Variants in MYH6 observed in about 807,000 individuals in gnomAD.
The protein encoded by MYH6 is myosin-6.
In MYH6, 126 loss-of-function variants were observed where a neutral mutation model predicts 223.2. The observed-to-expected ratio is 0.56, with a 90% confidence interval of 0.49 to 0.65. MYH6 has a LOEUF of 0.65. MYH6 is among the 30% of genes least tolerant of loss of function. The probability of loss-of-function intolerance (pLI) is 0.00; values close to 1 mark genes in which losing one functional copy is unlikely to be tolerated. For missense variants in MYH6, 2,040 were observed against 2,536.4 expected (o/e 0.80, Z 4.20); for synonymous variants, 978 against 1,010.2 (o/e 0.97, Z 0.61).
intron 20 of MYH6, among the ~76,000 whole-genome samples, chr14:23,395,290 T>C (rs1278984877): frequency 6.6e-6 from 1 of 152,278 alleles, no homozygotes; most frequent in Non-Finnish European, 1.5e-5. Flanking sequence ...GCTTTAATGT[T>C]CAAACATATT....
intron 30 of MYH6, 80 bp downstream of exon 30, chr14:23,388,075 G>A: frequency 6.2e-7 from 1 of 1,610,360 alleles, no homozygotes; most frequent in Admixed American, 1.7e-5. Context: ...CACCTCCAAG[G>A]AGGTTGCCTT....
Position 23,400,788 on chromosome 14 carries a change from A to C in MYH6, c.1331T>G (p.Ile444Ser). The change falls in exon 13 of 39, where the codon ATC becomes AGC. Residue 444 changes from isoleucine to serine, a missense_variant. Ile to Ser is a moderately radical substitution (Grantham distance 142, BLOSUM62 -2). Coordinates refer to ENST00000405093, the MANE Select transcript of MYH6 (RefSeq NM_002471.4). ...CTGCTTGGTCTCCAGGGTGGCGTTG[A>C]TGCGCGTCACCATCCAGTTGAACAT... ...EKMFNWMVTR[I>S]NATLETKQPR... 6.2e-7 allele frequency: 1 copy of C among 1,614,196 alleles called. No individual in the cohort carries two copies. The highest frequency in any genetic ancestry group is 8.5e-7 in the Non-Finnish European group (1 of 1,180,026).
chr14:23,398,697 C>A, intron 15 of MYH6, 31 bp downstream of exon 15: 1 of 1,612,050 alleles, frequency 6.2e-7, no homozygotes, highest in Non-Finnish European at 8.5e-7. Flanking sequence ...TTCAGAAGTC[C>A]CCTGGCCCAG....
In MYH6 at chr14:23,405,884, C is replaced by G. The variant is rs929299177; in HGVS notation, c.202-114G>C. On this transcript the variant is annotated intron_variant, in intron 3 of 38. Coordinates refer to ENST00000405093, the MANE Select transcript of MYH6 (RefSeq NM_002471.4). This position sits in a 1 kb window ranked among gnomAD's most constrained non-coding sequence, Gnocchi z 4.7. ...CAGGGACTTGGCCTTGCTCCCCTTG[C>G]TCTGACCAGTGCCCCGGCCCCTACC... is the stretch of plus-strand genomic sequence containing the variant. The G allele has an allele frequency of 4.4e-6, 6 of 1,372,564 alleles. No homozygotes were observed. The Admixed American group carries it at 5.2e-5, about 12-fold the overall frequency. 85.0% of individuals were successfully genotyped at this position (1,372,564 alleles called of 1,614,324 possible).
intron 28 of MYH6, 88 bp from the exon 29 acceptor site, chr14:23,389,143 GC>G: frequency 6.9e-7 from 1 of 1,442,172 alleles, no homozygotes; most frequent in Non-Finnish European, 9.2e-7. Context: ...CTTCAACCAA[GC>G]CCAGCCTTAT....
intron 7 of MYH6, 80 bp from the exon 8 acceptor site, chr14:23,404,468 G>T: frequency 6.6e-7 from 1 of 1,523,756 alleles, no homozygotes; most frequent in Non-Finnish European, 9.1e-7. Flanking sequence ...GGCTGCCCTG[G>T]CCCTGAGGAA....
intron 20 of MYH6, 47 bp downstream of exon 20, chr14:23,396,237 C>T: frequency 6.2e-7 from 1 of 1,613,286 alleles, no homozygotes; most frequent in Non-Finnish European, 8.5e-7. Flanking sequence ...CATTGCGGAT[C>T]TGCCTCTACA....
rs1333795071 is a variant in MYH6 at position 23,386,479 on chromosome 14, G to T, written c.4795C>A (p.Leu1599Met). 5.0e-6 allele frequency: 8 copies of T among 1,614,184 alleles called. No individual in the cohort carries two copies. Among genetic ancestry groups the T allele is most frequent in the Non-Finnish European group, 6.8e-6 (8 of 1,180,036 alleles). ...KRNHQRVVDS[L>M]QTSLDAETRS... ...GTCTCTGCATCCAGGGAGGTCTGCA[G>T]CGAGTCCACCACCCGCTGGTGGTTG... Residue 1599 changes from leucine (L) to methionine (M), a missense_variant, in exon 33 of 39, where the codon CTG becomes ATG. This residue lies in a region of MYH6 where 1,203 missense variants were observed against 1,400.2 expected (regional missense o/e 0.86). Coordinates refer to ENST00000405093, the MANE Select transcript of MYH6 (RefSeq NM_002471.4).
At position 23,388,937 on chromosome 14, in the gene MYH6, G is replaced by A. The variant is rs1085307922; in HGVS notation, c.4097C>T (p.Ala1366Val). The A allele has an allele frequency of 5.0e-6, 8 of 1,613,662 alleles. No homozygotes were observed. The African/African-American group carries it at 8.0e-5, about 16-fold the overall frequency. The change falls in exon 29 of 39, where the codon GCC becomes GTC. Residue 1366 changes from alanine to valine, a missense_variant. This residue lies in a region of MYH6 where 1,203 missense variants were observed against 1,400.2 expected (regional missense o/e 0.86). Transcript: ENST00000405093. ...KAELQRVLSK[A>V]NSEVAQWRTK... ...CCTCCACTGGGCCACCTCCGAGTTGGCCTTGGACAGGACGCGCTGCAGCTC... is the reference window on the plus strand; with the variant it reads ...CCTCCACTGGGCCACCTCCGAGTTGACCTTGGACAGGACGCGCTGCAGCTC...
intron 10 of MYH6, 37 bp downstream of exon 10, chr14:23,403,311 G>A: frequency 6.4e-7 from 1 of 1,553,800 alleles, no homozygotes. Flanking sequence ...GTGTGCAGCA[G>A]GGACAGCAGT....
rs111590385 is a variant in MYH6, at chr14:23,398,360, T to C, written c.1891+368A>G. On this transcript the variant is annotated intron_variant, in intron 15 of 38. Transcript: ENST00000405093. ...TTTATCCTCTTCATTTCAAGCCACA[T>C]CCTTTCTCTTCCTTTTCTGAACTGG... 9.9e-3 allele frequency among the ~76,000 whole-genome samples: 1,514 copies of C among 152,250 alleles called. 24 individuals carry two copies. Among genetic ancestry groups the C allele is most frequent in the African/African-American group, 0.035 (1,445 of 41,544 alleles).
chr14:23,383,392 T>C, intron 36 of MYH6, 72 bp from the exon 37 acceptor site: 1 of 1,213,644 alleles, frequency 8.2e-7, no homozygotes, highest in Non-Finnish European at 1.2e-6. Context: ...TCCTCCATCA[T>C]TTTACTCTTC....
chr14:23,382,148 T>G, intron 38 of MYH6, 85 bp from the exon 39 acceptor site: 1 of 1,339,338 alleles, frequency 7.5e-7, no homozygotes, highest in Non-Finnish European at 1.1e-6. Flanking sequence ...TTCAGAGGCC[T>G]AAGGGAGATG....
intron 24 of MYH6, 77 bp downstream of exon 24, chr14:23,392,835 G>A: frequency 6.3e-7 from 1 of 1,591,554 alleles, no homozygotes; most frequent in Non-Finnish European, 8.6e-7. Flanking sequence ...TGTGGCCAGT[G>A]GAGGCGCAGC....
chr14:23,406,992 C>A, intron 3 of MYH6, 31 bp downstream of exon 3: 1 of 1,608,870 alleles, frequency 6.2e-7, no homozygotes, highest in Non-Finnish European at 8.5e-7. Flanking sequence ...AGACCTCCTT[C>A]CCTTCTGCCC....
In MYH6 at chr14:23,404,743, G is replaced by T; in HGVS notation, c.610C>A (p.Arg204Ser). Residue 204 changes from arginine to serine, a missense_variant, in exon 7 of 39, where the codon CGT becomes AGT. Physicochemically the swap from Arg to Ser is moderately radical, Grantham distance 110. Coordinates refer to ENST00000405093, the MANE Select transcript of MYH6 (RefSeq NM_002471.4). ...YFASIAAIGD[R>S]GKKDNANANK... is the part of the protein sequence containing the mutation. ...GCATTGGCATTGTCCTTCTTGCCAC[G>T]GTCACCTATGGCTGCAATGCTGGCA... 1 of 1,614,076 alleles carries T rather than the reference G, an allele frequency of 6.2e-7. No homozygotes were observed. Among genetic ancestry groups the T allele is most frequent in the Non-Finnish European group, 8.5e-7 (1 of 1,180,002 alleles).
Position 23,386,012 on chromosome 14 carries a change from C to G in MYH6, c.5079G>C (p.Val1693=), listed in dbSNP as rs1264675129. The G allele has an allele frequency of 6.2e-7, 1 of 1,614,098 alleles. No individual in the cohort carries two copies. The highest frequency in any genetic ancestry group is 1.3e-5 in the African/African-American group (1 of 74,932). The change falls in exon 34 of 39, where the codon GTG becomes GTC. Residue 1693 remains valine (V), a synonymous_variant. Coordinates refer to ENST00000405093, the MANE Select transcript of MYH6 (RefSeq NM_002471.4). Reference sequence around the variant, plus strand: ...TCCGGGACCGCTCTGTCTGCTCCACCACGGCACGCAGCTCCTCCAGCTCAG... The same window carrying G: ...TCCGGGACCGCTCTGTCTGCTCCACGACGGCACGCAGCTCCTCCAGCTCAG... ...LQAELEELRA[V]VEQTERSRKL...
chr14:23,388,392 G>T (rs1595051575), intron 29 of MYH6, 54 bp from the exon 30 acceptor site: 1 of 1,605,404 alleles, frequency 6.2e-7, no homozygotes, highest in East Asian at 2.2e-5. Context: ...CAACACTGGA[G>T]CCTTGGGTGG....
chr14:23,397,570 G>A lies in MYH6; in HGVS notation c.1935C>T (p.Ser645=), dbSNP rs142393002. 419 of 1,614,216 alleles carry A rather than the reference G, an allele frequency of 2.6e-4. No homozygotes were observed. Among genetic ancestry groups the A allele is most frequent in the Non-Finnish European group, 3.4e-4 (400 of 1,180,050 alleles). ...KSKGGKKKGS[S]FQTVSALHRE... ...GGTGGAGAGCCGACACCGTCTGGAA[G>A]GATGAGCCCTTTTTCTTGCCTCCTT... The change falls in exon 16 of 39, where the codon TCC becomes TCT. Residue 645 remains serine (S), a synonymous_variant. Coordinates refer to ENST00000405093, the MANE Select transcript of MYH6 (RefSeq NM_002471.4).
Sources: allele counts gnomAD v4.1 joint callset (sites outside exome capture counted in the v4.1 genomes callset), GRCh38; gene constraint gnomAD v4.1.1; regional missense constraint gnomAD v4.1.1; non-coding constraint Gnocchi (gnomAD v3.1); transcripts MANE v1.5; gene names NCBI Gene and HGNC (gene_info 2026-07-23, HGNC 2026-07-21).